PDS5A: variants seen among roughly 807,000 people sequenced by gnomAD.
The protein encoded by PDS5A is sister chromatid cohesion protein PDS5 homolog A.
PDS5A carries 42 observed loss-of-function variants against 167.1 expected under a neutral mutation model. The observed-to-expected ratio is 0.25, with a 90% CI of 0.20 to 0.33. PDS5A has a LOEUF of 0.33. Among genes scored for constraint, PDS5A ranks in the 10% least tolerant of loss-of-function variants. PDS5A has a pLI of 1.00. For synonymous variants in PDS5A, 553 were observed against 554.6 expected (o/e 1.00, Z 0.04); for missense variants, 1,033 against 1,605.9 (o/e 0.64, Z 6.10).
At chr4:39,964,110 T>C (rs1460429518) in intron 2 of PDS5A, among the ~76,000 whole-genome samples, 1 of 152,166 alleles carries the variant, frequency 6.6e-6, no homozygotes, top group Non-Finnish European at 1.5e-5. Context: ...CATATACTTT[T>C]CATGGGACAA....
At chr4:39,918,117 T>C (rs1442662082) in intron 7 of PDS5A, among the ~76,000 whole-genome samples, 1 of 148,754 alleles carries the variant, frequency 6.7e-6, no homozygotes, top group Non-Finnish European at 1.5e-5. Flanking sequence ...GAAGTCGAGG[T>C]TGCAGTGAGT....
chr4:39,875,093 A>G (rs1720352248), intron 19 of PDS5A, among the ~76,000 whole-genome samples: 1 of 152,198 alleles, frequency 6.6e-6, no homozygotes. Context: ...GGATTTGAAA[A>G]TTAGCATTTC....
At chr4:39,884,085 C>T (rs1013000833) in intron 17 of PDS5A, among the ~76,000 whole-genome samples, 3 of 152,018 alleles carry the variant, frequency 2.0e-5, no homozygotes, top group Admixed American at 6.6e-5. Context: ...CGTGCCACCA[C>T]GTCAGGCTAA....
rs568761539 is a variant in PDS5A, at chr4:39,914,193, C to T, written c.877-467G>A. Among the ~76,000 whole-genome samples, 441 of 126,692 alleles carry T rather than the reference C, an allele frequency of 3.5e-3. 3 individuals carry two copies. The highest frequency in any genetic ancestry group is 0.011 in the African/African-American group (381 of 33,258). 83.1% of individuals were successfully genotyped at this position (126,692 alleles called of 152,430 possible). Reference sequence around the variant, plus strand: ...TTTTTTTTTTTTTTGAGGAGTCTTGCACTGTTTTCCCAAGCTAGAGTGCAG... The same window carrying T: ...TTTTTTTTTTTTTTGAGGAGTCTTGTACTGTTTTCCCAAGCTAGAGTGCAG... On this transcript the variant is annotated intron_variant, in intron 8 of 32. Transcript: ENST00000303538.
intron 2 of PDS5A, chr4:39,973,585 GGTTTCGTAT>G: frequency 7.8e-7 from 1 of 1,275,114 alleles, no homozygotes; most frequent in Non-Finnish European, 1.1e-6. Flanking sequence ...CAAAGGGTTT[GGTTTCGTAT>G]GTTTCTCCTT....
chr4:39,974,400 GAAAACAAT>G, intron 2 of PDS5A: 1 of 362,752 alleles, frequency 2.8e-6, no homozygotes, highest in South Asian at 2.2e-5. Flanking sequence ...TTCTTAATTT[GAAAACAAT>G]AAATATTAAC....
intron 2 of PDS5A, chr4:39,973,437 T>C: frequency 7.0e-7 from 1 of 1,437,464 alleles, no homozygotes; most frequent in South Asian, 1.1e-5. Flanking sequence ...CAGGAGTAGC[T>C]GCAGCCAGCA....
At chr4:39,942,663 C>A (rs1466312121) in intron 2 of PDS5A, among the ~76,000 whole-genome samples, 1 of 152,208 alleles carries the variant, frequency 6.6e-6, no homozygotes, top group South Asian at 2.1e-4. Flanking sequence ...TGGGCTCAAG[C>A]GATACACCTG....
At chr4:39,880,941 T>G (rs1048207171) in intron 17 of PDS5A, among the ~76,000 whole-genome samples, 2 of 152,108 alleles carry the variant, frequency 1.3e-5, no homozygotes, top group African/African-American at 4.8e-5. Context: ...TATTTCTCCC[T>G]AATCCTCCCT....
intron 17 of PDS5A, among the ~76,000 whole-genome samples, chr4:39,881,218 T>C (rs1203855460): frequency 3.3e-5 from 5 of 152,182 alleles, no homozygotes; most frequent in Admixed American, 1.3e-4. Context: ...GGACACAGGG[T>C]GATACCAAAT....
chr4:39,922,470 C>G (rs1725074048), intron 6 of PDS5A, among the ~76,000 whole-genome samples, 152 bp downstream of exon 6: 1 of 152,062 alleles, frequency 6.6e-6, no homozygotes, highest in Middle Eastern at 3.2e-3. Context: ...AAAATAATAG[C>G]CACAAGACTA....
At chr4:39,954,100 G>A (rs73229725) in intron 2 of PDS5A, among the ~76,000 whole-genome samples, 13,841 of 152,124 alleles carry the variant, frequency 0.091, 806 homozygotes, top group East Asian at 0.21. Flanking sequence ...CAGCACTTTG[G>A]GAGGCCGAGG....
chr4:39,972,938 A>T (rs982274907), intron 2 of PDS5A, among the ~76,000 whole-genome samples: 8 of 151,554 alleles, frequency 5.3e-5, no homozygotes, highest in South Asian at 2.1e-4. Flanking sequence ...TTTTAAATCA[A>T]TAAGTAATCT....
rs1378879158 is a variant in PDS5A, at chr4:39,841,959, C to T, written c.3646G>A (p.Val1216Ile). The T allele has an allele frequency of 6.4e-6, 10 of 1,556,310 alleles. No individual in the cohort carries two copies. The highest frequency in any genetic ancestry group is 7.1e-6 in the Non-Finnish European group (8 of 1,128,492). Reference protein sequence around the residue: ...SVTPVKNIDPVKNKEINSDQA... With the variant: ...SVTPVKNIDPIKNKEINSDQA... ...ATTTTAAAATTTACCTTATTCTTTA[C>T]TGGGTCAATATTCTTTACAGGTGTG... Residue 1216 changes from valine to isoleucine, a missense_variant, in exon 31 of 33, where the codon GTA becomes ATA. Coordinates refer to ENST00000303538, the MANE Select transcript of PDS5A (RefSeq NM_001100399.2).
At chr4:39,884,584 T>C (rs1721248844) in intron 17 of PDS5A, among the ~76,000 whole-genome samples, 1 of 152,360 alleles carries the variant, frequency 6.6e-6, no homozygotes, top group South Asian at 2.1e-4. Flanking sequence ...TCCTAATCCA[T>C]TCGATGATTC....
intron 2 of PDS5A, among the ~76,000 whole-genome samples, chr4:39,944,694 CAA>C (rs373241104): frequency 7.0e-5 from 6 of 86,066 alleles, no homozygotes; most frequent in Non-Finnish European, 5.0e-5. Context: ...AACTCCATCT[CAA>C]AAAAAAAAAA....
At chr4:39,917,835 A>G (rs1042274576) in intron 7 of PDS5A, among the ~76,000 whole-genome samples, 5 of 151,764 alleles carry the variant, frequency 3.3e-5, no homozygotes, top group Non-Finnish European at 7.4e-5. Flanking sequence ...TCGGCCTCCC[A>G]AAGTACTGGG....
chr4:39,952,725 A>ATTT lies in PDS5A; in HGVS notation c.138+23712_138+23714dup, dbSNP rs35943320. Among the ~76,000 whole-genome samples, 100 of 128,244 alleles carry ATTT rather than the reference A, an allele frequency of 7.8e-4. 3 individuals carry two copies. Among genetic ancestry groups the ATTT allele is most frequent in the Middle Eastern group, 8.8e-3 (2 of 226 alleles). The allele number at this position is 128,244 out of a possible 152,430, so 84.1% of individuals were successfully genotyped here. ...TTGTCCCACAGTACACAGATCTGGAATTTTTTTTTTTTTTTTTTTTGAGAC... is the reference window on the plus strand; with the variant it reads ...TTGTCCCACAGTACACAGATCTGGAATTTTTTTTTTTTTTTTTTTTTTTGAGAC... On this transcript the variant is annotated intron_variant, in intron 2 of 32. Transcript: ENST00000303538.
At chr4:39,860,942 T>C (rs890492639) in intron 26 of PDS5A, among the ~76,000 whole-genome samples, 5 of 151,742 alleles carry the variant, frequency 3.3e-5, no homozygotes, top group African/African-American at 1.2e-4. Context: ...TGGTGGCACA[T>C]GTAGTCCCAG....
Sources: gnomAD v4.1 joint callset for allele counts (sites outside exome capture counted in the v4.1 genomes callset) on GRCh38, gnomAD v4.1.1 for gene constraint, MANE v1.5 for transcripts, NCBI Gene and HGNC (gene_info 2026-07-23, HGNC 2026-07-21) for gene names.